SYN3: variants seen among roughly 807,000 people sequenced by gnomAD.
SYN3 encodes synapsin-3.
Under a neutral mutation model 65.8 loss-of-function variants are expected in SYN3, and 35 were observed. The ratio of observed to expected loss-of-function variants is 0.53; its 90% CI spans 0.41 to 0.70. SYN3 has a LOEUF of 0.70. SYN3 is among the 30% of genes least tolerant of loss of function. The pLI, the probability that SYN3 is intolerant of heterozygous loss-of-function variation, is 0.00. For missense variants in SYN3, 680 were observed against 749.0 expected, an observed-to-expected ratio of 0.91 and a Z score of 1.08; for synonymous variants, 270 against 292.9, an observed-to-expected ratio of 0.92 and a Z score of 0.80.
At chr22:32,563,702 C>T (rs1284140956) in intron 7 of SYN3, among the ~76,000 whole-genome samples, 1 of 152,136 alleles carries the variant, frequency 6.6e-6, no homozygotes, top group Non-Finnish European at 1.5e-5. Context: ...CAGAGTCTCA[C>T]TCTGTTACCC....
intron 6 of SYN3, among the ~76,000 whole-genome samples, chr22:32,705,187 G>A (rs5994607): frequency 0.024 from 3,669 of 152,230 alleles, 140 homozygotes; most frequent in African/African-American, 0.076. Context: ...ATAGTTTTGG[G>A]TTTTACATTT....
intron 6 of SYN3, among the ~76,000 whole-genome samples, chr22:32,763,430 C>T (rs1321473933): frequency 5.9e-5 from 9 of 152,194 alleles, no homozygotes; most frequent in African/African-American, 1.4e-4. Context: ...GGATTACAGG[C>T]GTGAGCCACC....
At chr22:33,013,141 T>G (rs1372668206) in intron 1 of SYN3, among the ~76,000 whole-genome samples, 2 of 152,158 alleles carry the variant, frequency 1.3e-5, no homozygotes, top group Non-Finnish European at 2.9e-5. Flanking sequence ...TGGTCAACCT[T>G]CCATTGATAT....
At chr22:32,829,266 C>G (rs138265346) in intron 6 of SYN3, among the ~76,000 whole-genome samples, 1 of 152,204 alleles carries the variant, frequency 6.6e-6, no homozygotes, top group Non-Finnish European at 1.5e-5. Context: ...TTCGTGATCA[C>G]GCCTGGTGGC....
chr22:32,710,292 C>T (rs994372379), intron 6 of SYN3, among the ~76,000 whole-genome samples: 1 of 151,386 alleles, frequency 6.6e-6, no homozygotes, highest in Non-Finnish European at 1.5e-5. Flanking sequence ...CACCATCCAC[C>T]TTGGAGCTGT....
intron 4 of SYN3, among the ~76,000 whole-genome samples, chr22:32,888,969 T>C (rs2049368039): frequency 6.6e-6 from 1 of 152,252 alleles, no homozygotes; most frequent in Non-Finnish European, 1.5e-5. Flanking sequence ...AAGGGAAAGC[T>C]GGCCCTCTAA....
Position 32,648,241 on chromosome 22 carries a change from C to T in SYN3, c.712-51505G>A, listed in dbSNP as rs144140496. Among the ~76,000 whole-genome samples, 420 of 152,280 alleles carry T rather than the reference C, an allele frequency of 2.8e-3. 2 individuals are homozygous for T. The highest frequency in any genetic ancestry group is 9.4e-3 in the African/African-American group (390 of 41,552). ...CACCTCCCCAATATTAGCAAACCTC[C>T]CACTTTCCTGGAGAGCTTGGAGCCC... is the stretch of plus-strand genomic sequence containing the variant. On this transcript the variant is annotated intron_variant, in intron 6 of 13. Coordinates refer to ENST00000358763, the MANE Select transcript of SYN3 (RefSeq NM_003490.4).
chr22:32,860,487 G>T (rs1177526630), intron 6 of SYN3: 2 of 152,524 alleles, frequency 1.3e-5, no homozygotes, highest in Non-Finnish European at 2.9e-5. Flanking sequence ...CTTCTATTTT[G>T]TTGTCGTTGC....
chr22:32,812,846 T>C lies in SYN3; in HGVS notation c.711+52069A>G, dbSNP rs146026539. On this transcript the variant is annotated intron_variant, in intron 6 of 13. Transcript: ENST00000358763. ...ACAGGGAGAAACCCCAGTGACAGGA[T>C]AGAAAGCTCCAAAGATCCTGAGGAA... Among the ~76,000 whole-genome samples the C allele has an allele frequency of 9.0e-3, 1,364 of 152,352 alleles. 21 individuals are homozygous for C. The highest frequency in any genetic ancestry group is 0.031 in the African/African-American group (1,285 of 41,576).
chr22:32,624,689 AG>A, intron 6 of SYN3, among the ~76,000 whole-genome samples: 1 of 152,290 alleles, frequency 6.6e-6, no homozygotes, highest in African/African-American at 2.4e-5. Context: ...ACCTGCTGGA[AG>A]GCACTGCCAT....
At chr22:32,907,572 A>G (rs1349249155) in intron 4 of SYN3, among the ~76,000 whole-genome samples, 3 of 152,190 alleles carry the variant, frequency 2.0e-5, no homozygotes, top group Non-Finnish European at 4.4e-5. Context: ...AGGTGGGAGT[A>G]GGGAGCCAAA....
chr22:32,546,372 A>G (rs1394661204), intron 7 of SYN3, among the ~76,000 whole-genome samples: 2 of 152,242 alleles, frequency 1.3e-5, no homozygotes, highest in East Asian at 3.8e-4. Context: ...AGAGTTCCAA[A>G]AAAAGGCAAA....
chr22:32,552,115 G>C (rs754518544), intron 7 of SYN3, among the ~76,000 whole-genome samples: 1 of 152,158 alleles, frequency 6.6e-6, no homozygotes, highest in Non-Finnish European at 1.5e-5. Flanking sequence ...GAGTGGTGGC[G>C]GGCGCCTGTA....
At chr22:32,578,438 A>G (rs966728970) in intron 7 of SYN3, among the ~76,000 whole-genome samples, 1 of 152,030 alleles carries the variant, frequency 6.6e-6, no homozygotes, top group Non-Finnish European at 1.5e-5. Flanking sequence ...TTTAGTAAAG[A>G]TGGGTTTTGC....
At chr22:32,581,261 C>G (rs1384564441) in intron 7 of SYN3, among the ~76,000 whole-genome samples, 1 of 152,186 alleles carries the variant, frequency 6.6e-6, no homozygotes. Context: ...AGGCGCCCAC[C>G]ACCACGCCCA....
chr22:33,048,265 TA>T (rs145395122), intron 1 of SYN3, among the ~76,000 whole-genome samples: 18 of 150,490 alleles, frequency 1.2e-4, no homozygotes, highest in Admixed American at 3.3e-4. Context: ...TCATTATTGT[TA>T]AAAAAAAAAC....
intron 6 of SYN3, among the ~76,000 whole-genome samples, chr22:32,820,987 C>T (rs951485149): frequency 2.0e-5 from 3 of 152,024 alleles, no homozygotes; most frequent in South Asian, 2.1e-4. Flanking sequence ...ATGACCAATC[C>T]GAGAAACCCA....
At chr22:32,525,496 G>A (rs908752439) in intron 12 of SYN3, among the ~76,000 whole-genome samples, 19 of 151,810 alleles carry the variant, frequency 1.3e-4, no homozygotes, top group Admixed American at 6.6e-5. Flanking sequence ...TCACGAGGTC[G>A]GGAGATCGAG....
chr22:32,671,281 C>T (rs982398385), intron 6 of SYN3, among the ~76,000 whole-genome samples: 8 of 151,896 alleles, frequency 5.3e-5, no homozygotes, highest in Admixed American at 1.3e-4. Flanking sequence ...CTTACACTCC[C>T]ACCCATGCTC....
Sources: gnomAD v4.1 joint callset for allele counts (sites outside exome capture counted in the v4.1 genomes callset) on GRCh38, gnomAD v4.1.1 for gene constraint, MANE v1.5 for transcripts, NCBI Gene and HGNC (gene_info 2026-07-23, HGNC 2026-07-21) for gene names.